Variants in TG observed in about 807,000 individuals in gnomAD.
TG encodes thyroid hormones.
In TG, 270 loss-of-function variants were observed where a neutral mutation model predicts 324.7. The observed-to-expected ratio is 0.83, with a 90% CI of 0.75 to 0.92. The LOEUF (loss-of-function observed/expected upper bound fraction) is 0.92. TG is among the 40% of genes least tolerant of loss of function. The pLI is 0.00. For missense variants in TG, 3,591 were observed against 3,456.4 expected (o/e 1.04, Z -0.98); for synonymous variants, 1,401 against 1,327.0 (o/e 1.06, Z -1.21).
chr8:132,935,088 T>C (rs1336470324), intron 24 of TG, among the ~76,000 whole-genome samples: 1 of 151,912 alleles, frequency 6.6e-6, no homozygotes, highest in Non-Finnish European at 1.5e-5. Context: ...CTGAGTCTGC[T>C]GTTTCCTCTG....
At chr8:132,966,802 C>A in intron 30 of TG, 105 bp downstream of exon 30, 12 of 1,380,198 alleles carry the variant, frequency 8.7e-6, no homozygotes, top group South Asian at 2.3e-5. Context: ...AATTTTGTGT[C>A]ATAACTCATG....
chr8:133,038,844 A>G, intron 41 of TG: 1 of 660,094 alleles, frequency 1.5e-6, no homozygotes. Context: ...AGAAAAACAA[A>G]AATCCTGGTG....
At chr8:132,945,688 C>T (rs1351486267) in intron 26 of TG, among the ~76,000 whole-genome samples, 15 of 152,016 alleles carry the variant, frequency 9.9e-5, no homozygotes, top group Non-Finnish European at 1.5e-5. Flanking sequence ...TCTTGATGAA[C>T]AGCTACATAA....
intron 45 of TG, among the ~76,000 whole-genome samples, chr8:133,118,377 T>G (rs1850874130): frequency 6.9e-6 from 1 of 143,990 alleles, no homozygotes; most frequent in Non-Finnish European, 1.5e-5. Flanking sequence ...CAGGCTGCAG[T>G]CCAGTGGTGC....
At chr8:132,992,384 C>T (rs1015974888) in intron 35 of TG, among the ~76,000 whole-genome samples, 1 of 152,204 alleles carries the variant, frequency 6.6e-6, no homozygotes, top group South Asian at 2.1e-4. Context: ...TTCTGTGTGG[C>T]TTCAATGTGC....
At chr8:133,084,545 A>G (rs917952831) in intron 41 of TG, among the ~76,000 whole-genome samples, 1 of 152,216 alleles carries the variant, frequency 6.6e-6, no homozygotes, top group Non-Finnish European at 1.5e-5. Context: ...TCAAGTGCCA[A>G]GCATTTAAAT....
intron 38 of TG, among the ~76,000 whole-genome samples, chr8:133,019,218 G>T (rs1184797616): frequency 2.0e-5 from 3 of 152,208 alleles, no homozygotes; most frequent in African/African-American, 7.2e-5. Flanking sequence ...GTAGGACTCT[G>T]TACTGGTGTA....
chr8:133,112,332 G>T (rs1449215136), intron 43 of TG, among the ~76,000 whole-genome samples: 1 of 152,264 alleles, frequency 6.6e-6, no homozygotes, highest in Non-Finnish European at 1.5e-5. Flanking sequence ...CTAGAAATAT[G>T]TAAACACATA....
chr8:132,878,395 T>G (rs1257215675), intron 5 of TG, among the ~76,000 whole-genome samples: 1 of 152,034 alleles, frequency 6.6e-6, no homozygotes, highest in Admixed American at 6.6e-5. Flanking sequence ...GGCGGGCAGA[T>G]CACGAGGTCA....
intron 31 of TG, 102 bp downstream of exon 31, chr8:132,968,072 C>A: frequency 1.4e-6 from 2 of 1,382,220 alleles, no homozygotes; most frequent in Non-Finnish European, 2.0e-6. Context: ...AAAACATTTT[C>A]TTTATACTTT....
Position 132,961,083 on chromosome 8 carries a change from G to A in TG, c.5467+10G>A, listed in dbSNP as rs367836049. The A allele has an allele frequency of 7.0e-5, 113 of 1,613,830 alleles. No individual in the cohort carries two copies. The highest frequency in any genetic ancestry group is 1.0e-4 in the Admixed American group (6 of 59,980). On this transcript the variant is annotated intron_variant, in intron 28 of 47. Transcript: ENST00000220616. ...GTTTATCTCTGGAAAGGTGAGCTCC[G>A]TGGTGGAAGAGGGGGTTAGCAGGAC...
chr8:133,084,254 C>G (rs1469730190), intron 41 of TG, among the ~76,000 whole-genome samples: 1 of 152,094 alleles, frequency 6.6e-6, no homozygotes, highest in African/African-American at 2.4e-5. Context: ...CTAGGCAGTC[C>G]CCACTGCTCT....
At chr8:133,070,805 G>A (rs765820113) in intron 41 of TG, among the ~76,000 whole-genome samples, 7 of 152,332 alleles carry the variant, frequency 4.6e-5, no homozygotes, top group Admixed American at 3.3e-4. Context: ...ACACTGGCCC[G>A]TGTCTGCAGG....
At chr8:133,027,163 A>C (rs1836172750) in intron 40 of TG, among the ~76,000 whole-genome samples, 1 of 152,240 alleles carries the variant, frequency 6.6e-6, no homozygotes, top group Non-Finnish European at 1.5e-5. Context: ...AACAGTGCTA[A>C]GGGGCTTCTA....
chr8:132,987,780 G>C (rs909178257), intron 35 of TG, among the ~76,000 whole-genome samples: 6 of 151,690 alleles, frequency 4.0e-5, no homozygotes, highest in Non-Finnish European at 8.8e-5. Flanking sequence ...CTACTTCAAA[G>C]AAAGAATTCT....
intron 8 of TG, among the ~76,000 whole-genome samples, chr8:132,884,609 A>T (rs903456080): frequency 1.3e-5 from 2 of 152,222 alleles, no homozygotes; most frequent in African/African-American, 4.8e-5. Context: ...AAATTTGGAG[A>T]CACTTTCTTG....
At position 132,897,775 on chromosome 8, in the gene TG, A is replaced by C. The variant is rs1817329020; in HGVS notation, c.3128A>C (p.His1043Pro). The C allele has an allele frequency of 2.5e-6, 4 of 1,614,066 alleles. No individual in the cohort carries two copies. Among genetic ancestry groups the C allele is most frequent in the Non-Finnish European group, 2.5e-6 (3 of 1,180,030 alleles). Reference protein sequence around the residue: ...AFGSWEPVQCHAGTGHCWCVD... With the variant: ...AFGSWEPVQCPAGTGHCWCVD... ...GGAAGTTGGGAGCCTGTGCAGTGCCACGCTGGGACTGGTAAGGAGGGATAG... is the reference window on the plus strand; with the variant it reads ...GGAAGTTGGGAGCCTGTGCAGTGCCCCGCTGGGACTGGTAAGGAGGGATAG... Residue 1043 changes from histidine (H) to proline (P), a missense_variant, in exon 12 of 48, where the codon CAC becomes CCC. By Grantham distance (77) the His-to-Pro change is moderately conservative (BLOSUM62 -2). Transcript: ENST00000220616.
intron 6 of TG, 97 bp downstream of exon 6, chr8:132,882,066 C>A (rs1563901519): frequency 3.4e-6 from 3 of 880,138 alleles, no homozygotes; most frequent in Non-Finnish European, 5.5e-6. Context: ...GCTAGAGTGA[C>A]TGCCTGCCCC....
At position 132,923,375 on chromosome 8, in the gene TG, A is replaced by G. The variant is rs377382843; in HGVS notation, c.4566A>G (p.Gln1522=). Residue 1522 remains glutamine (Q), a synonymous_variant, in exon 22 of 48, where the codon CAA becomes CAG. Coordinates refer to ENST00000220616, the MANE Select transcript of TG (RefSeq NM_003235.5). Reference sequence around the variant, plus strand: ...GTCAGAGGAACGAAGCAGGCCTGCAATGTGACCAGAATGGCCAGTATCGAG... The same window carrying G: ...GTCAGAGGAACGAAGCAGGCCTGCAGTGTGACCAGAATGGCCAGTATCGAG... ...TDCQRNEAGL[Q]CDQNGQYRAS... The G allele has an allele frequency of 5.3e-5, 86 of 1,613,998 alleles. No individual in the cohort carries two copies. The highest frequency in any genetic ancestry group is 1.6e-4 in the Middle Eastern group (1 of 6,080).
Sources: allele counts gnomAD v4.1 joint callset (sites outside exome capture counted in the v4.1 genomes callset), GRCh38; gene constraint gnomAD v4.1.1; transcripts MANE v1.5; gene names NCBI Gene and HGNC (gene_info 2026-07-23, HGNC 2026-07-21).